The following SEMA3E variants were observed in gnomAD, a reference collection of about 807,000 sequenced individuals.
The protein encoded by SEMA3E is semaphorin-3E.
Under a neutral mutation model 93.6 loss-of-function variants are expected in SEMA3E, and 49 were observed. The ratio of observed to expected loss-of-function variants is 0.52; its 90% confidence interval spans 0.42 to 0.66. The LOEUF (loss-of-function observed/expected upper bound fraction) is 0.66, where lower values mean the gene tolerates loss of function less well. Among genes scored for constraint, SEMA3E ranks in the 30% least tolerant of loss-of-function variants. The probability of loss-of-function intolerance (pLI) is 0.00; values close to 1 mark genes in which losing one functional copy is unlikely to be tolerated. For synonymous variants in SEMA3E, 363 were observed against 330.7 expected (o/e 1.10, Z -1.06); for missense variants, 906 against 964.8 (o/e 0.94, Z 0.81).
chr7:83,383,354 G>A (rs1787817212), intron 16 of SEMA3E, among the ~76,000 whole-genome samples: 1 of 151,040 alleles, frequency 6.6e-6, no homozygotes, highest in Non-Finnish European at 1.5e-5. Flanking sequence ...ACAAAAAAGA[G>A]ACATATAAAT....
chr7:83,632,254 G>A (rs1584376868), intron 1 of SEMA3E, among the ~76,000 whole-genome samples: 1 of 152,030 alleles, frequency 6.6e-6, no homozygotes, highest in East Asian at 1.9e-4. Context: ...CATTTTAAGA[G>A]GGGCATTAGC....
chr7:83,388,124 C>T (rs991069803), intron 14 of SEMA3E, among the ~76,000 whole-genome samples: 3 of 148,264 alleles, frequency 2.0e-5, no homozygotes, highest in South Asian at 2.1e-4. Flanking sequence ...GCCTGACCAA[C>T]ATGGTGAAAC....
chr7:83,575,973 T>C (rs889912643), intron 1 of SEMA3E, among the ~76,000 whole-genome samples: 1 of 152,170 alleles, frequency 6.6e-6, no homozygotes, highest in Non-Finnish European at 1.5e-5. Flanking sequence ...TAGTTTTAAG[T>C]TTTCAAACGA....
At chr7:83,523,506 A>G (rs910139954) in intron 1 of SEMA3E, among the ~76,000 whole-genome samples, 2 of 152,100 alleles carry the variant, frequency 1.3e-5, no homozygotes, top group Non-Finnish European at 2.9e-5. Flanking sequence ...AAACAGCCCT[A>G]TCCTGTCAAA....
chr7:83,633,119 C>T (rs1793819148), intron 1 of SEMA3E, among the ~76,000 whole-genome samples: 1 of 151,910 alleles, frequency 6.6e-6, no homozygotes, highest in Admixed American at 6.6e-5. Flanking sequence ...TTCCCTAATT[C>T]CAGTTATTAG....
rs564623832 is a variant in SEMA3E at position 83,473,650 on chromosome 7, C to T, written c.277-4348G>A. 2.6e-4 allele frequency among the ~76,000 whole-genome samples: 39 copies of T among 152,280 alleles called. 1 individual carries two copies. The South Asian group carries it at 7.9e-3, about 31-fold the overall frequency. On this transcript the variant is annotated intron_variant, in intron 2 of 16. Transcript: ENST00000643230. ...AAATATGATGAAATGCAACACTAGG[C>T]ATGCATTCCTGTGCGGAAATATTCC...
At chr7:83,500,363 G>A (rs1175923106) in intron 1 of SEMA3E, among the ~76,000 whole-genome samples, 1 of 152,098 alleles carries the variant, frequency 6.6e-6, no homozygotes, top group East Asian at 2.0e-4. Flanking sequence ...TTGAACCCGA[G>A]AGGTGGAGGT....
intron 1 of SEMA3E, among the ~76,000 whole-genome samples, chr7:83,595,511 T>G (rs573794698): frequency 6.6e-6 from 1 of 152,210 alleles, no homozygotes; most frequent in African/African-American, 2.4e-5. Flanking sequence ...ATTTCACTGA[T>G]TTTTCCACTA....
chr7:83,510,231 G>A (rs1301185048), intron 1 of SEMA3E, among the ~76,000 whole-genome samples: 1 of 152,044 alleles, frequency 6.6e-6, no homozygotes, highest in Non-Finnish European at 1.5e-5. Context: ...TTATTTTAGA[G>A]GAATTAGAAA....
intron 3 of SEMA3E, among the ~76,000 whole-genome samples, chr7:83,468,270 T>C (rs1417646545): frequency 6.6e-6 from 1 of 152,190 alleles, no homozygotes; most frequent in East Asian, 1.9e-4. Context: ...ACCCATATAT[T>C]TGGTAGAATC....
At chr7:83,639,136 A>AAAAAAAAAAAAAAAAAAAC (rs1562866057) in intron 1 of SEMA3E, among the ~76,000 whole-genome samples, 3 of 132,144 alleles carry the variant, frequency 2.3e-5, no homozygotes, top group African/African-American at 8.4e-5. Flanking sequence ...AAAAAAAAAA[A>AAAAAAAAAAAAAAAAAAAC]AAAACAGAGA....
intron 1 of SEMA3E, among the ~76,000 whole-genome samples, chr7:83,551,997 C>T: frequency 6.6e-6 from 1 of 152,130 alleles, no homozygotes; most frequent in East Asian, 1.9e-4. Context: ...GTCACAATGT[C>T]TTTGTATTAT....
Position 83,600,486 on chromosome 7 carries a change from ATTTTTTTTTTTTTTTTT to A in SEMA3E, c.115+47925_115+47941del, listed in dbSNP as rs71522671. Among the ~76,000 whole-genome samples, 224 of 63,092 alleles carry A rather than the reference ATTTTTTTTTTTTTTTTT, an allele frequency of 3.6e-3. 4 individuals carry two copies. The highest frequency in any genetic ancestry group is 0.012 in the African/African-American group (201 of 16,812). The allele number at this position is 63,092 out of a possible 152,430, so 41.4% of individuals were successfully genotyped here. On this transcript the variant is annotated intron_variant, in intron 1 of 16. Coordinates refer to ENST00000643230, the MANE Select transcript of SEMA3E (RefSeq NM_012431.3). ...AGGCGCCCGCCACCACGCCCAGCTA[ATTTTTTTTTTTTTTTTT>A]TTTTTTTTTTTTTTTTTGTATTTTT...
At chr7:83,546,705 T>G (rs1020895228) in intron 1 of SEMA3E, among the ~76,000 whole-genome samples, 1 of 152,066 alleles carries the variant, frequency 6.6e-6, no homozygotes, top group African/African-American at 2.4e-5. Context: ...AGACAAAAGA[T>G]TTCATGTTCA....
chr7:83,509,363 C>T (rs1446881685), intron 1 of SEMA3E, among the ~76,000 whole-genome samples: 1 of 152,052 alleles, frequency 6.6e-6, no homozygotes, highest in Non-Finnish European at 1.5e-5. Context: ...AGGGCCCTGG[C>T]ACACAGATTT....
intron 1 of SEMA3E, among the ~76,000 whole-genome samples, chr7:83,619,562 ATGT>A (rs1212803648): frequency 1.3e-5 from 2 of 151,822 alleles, no homozygotes; most frequent in Non-Finnish European, 2.9e-5. Context: ...AATGAAGAAA[ATGT>A]TGGTGGTGTT....
intron 1 of SEMA3E, among the ~76,000 whole-genome samples, chr7:83,614,889 G>A (rs1584365406): frequency 6.6e-6 from 1 of 152,054 alleles, no homozygotes; most frequent in Non-Finnish European, 1.5e-5. Flanking sequence ...AATGCCCAAG[G>A]AAGAATTAAA....
chr7:83,469,044 C>G (rs1239558830), intron 3 of SEMA3E, among the ~76,000 whole-genome samples, 199 bp downstream of exon 3: 1 of 152,164 alleles, frequency 6.6e-6, no homozygotes, highest in African/African-American at 2.4e-5. Context: ...ACCAAGATCT[C>G]AATGGCATCT....
intron 10 of SEMA3E, among the ~76,000 whole-genome samples, chr7:83,400,658 A>G (rs1788219673): frequency 1.3e-5 from 2 of 152,126 alleles, no homozygotes; most frequent in African/African-American, 4.8e-5. Flanking sequence ...GGAAAGGCTA[A>G]ATTATTTCAA....
Sources: gnomAD v4.1 joint callset for allele counts (sites outside exome capture counted in the v4.1 genomes callset) on GRCh38, gnomAD v4.1.1 for gene constraint, MANE v1.5 for transcripts, NCBI Gene and HGNC (gene_info 2026-07-23, HGNC 2026-07-21) for gene names.